ATXN7: variants seen among roughly 807,000 people sequenced by gnomAD.
ATXN7 encodes the protein ataxin-7.
Under a neutral mutation model 70.5 loss-of-function variants are expected in ATXN7, and 12 were observed. The ratio of observed to expected loss-of-function variants is 0.17; its 90% CI spans 0.11 to 0.28. ATXN7 has a LOEUF of 0.28. ATXN7 is among the 10% of genes least tolerant of loss of function. ATXN7 has a pLI of 1.00. For missense variants in ATXN7, 1,256 were observed against 1,131.7 expected, an observed-to-expected ratio of 1.11 and a Z score of -1.58; for synonymous variants, 498 against 448.7, an observed-to-expected ratio of 1.11 and a Z score of -1.39.
chr3:63,877,226 AT>A (rs1183514807), intron 1 of ATXN7, among the ~76,000 whole-genome samples: 1 of 152,022 alleles, frequency 6.6e-6, no homozygotes. Context: ...TTTTTGTTTA[AT>A]TTTTTTTCGT....
At chr3:63,984,555 T>C (rs1281876707) in intron 8 of ATXN7, among the ~76,000 whole-genome samples, 1 of 152,224 alleles carries the variant, frequency 6.6e-6, no homozygotes, top group Non-Finnish European at 1.5e-5. Flanking sequence ...CCTACCTGAC[T>C]CTCAGTAACA....
chr3:63,887,295 A>G (rs957575138), intron 1 of ATXN7, among the ~76,000 whole-genome samples: 4 of 152,176 alleles, frequency 2.6e-5, no homozygotes, highest in African/African-American at 7.2e-5. Flanking sequence ...TTTAATTTGC[A>G]TCTCCCAGCT....
At chr3:63,928,055 A>G (rs1036933213) in intron 4 of ATXN7, among the ~76,000 whole-genome samples, 2 of 152,314 alleles carry the variant, frequency 1.3e-5, no homozygotes, top group East Asian at 1.9e-4. Context: ...ACAACAATTA[A>G]TTTTTTTATT....
intron 5 of ATXN7, among the ~76,000 whole-genome samples, chr3:63,968,618 A>G (rs1031366524): frequency 2.0e-5 from 3 of 152,216 alleles, no homozygotes; most frequent in African/African-American, 7.2e-5. Context: ...AACCCTGGGA[A>G]GTCATTCAGT....
At chr3:63,896,070 A>G (rs1289234671) in intron 1 of ATXN7, among the ~76,000 whole-genome samples, 1 of 152,084 alleles carries the variant, frequency 6.6e-6, no homozygotes, top group African/African-American at 2.4e-5. Flanking sequence ...GGGAGTAAGT[A>G]GTTTGTAGCC....
At chr3:63,901,557 C>A in intron 2 of ATXN7, 1 of 152,006 alleles carries the variant, frequency 6.6e-6, no homozygotes, top group African/African-American at 2.4e-5. Flanking sequence ...CCTCCAGGTT[C>A]ATCTATGTTG....
At chr3:63,937,540 C>T (rs1019454197) in intron 4 of ATXN7, among the ~76,000 whole-genome samples, 5 of 152,144 alleles carry the variant, frequency 3.3e-5, no homozygotes, top group South Asian at 2.1e-4. Context: ...AAGTAACTTA[C>T]GTGAATAGTT....
intron 5 of ATXN7, among the ~76,000 whole-genome samples, chr3:63,973,201 A>G (rs928681362): frequency 6.6e-6 from 1 of 152,186 alleles, no homozygotes; most frequent in African/African-American, 2.4e-5. Context: ...TTTTCAGGTA[A>G]TCTTTTAAAA....
chr3:63,940,289 ACAC>A (rs2074734395), intron 4 of ATXN7, among the ~76,000 whole-genome samples: 1 of 78,358 alleles, frequency 1.3e-5, no homozygotes, highest in Admixed American at 1.1e-4. Context: ...GCCCCATCAC[ACAC>A]ACACACACAC....
chr3:63,930,553 A>G (rs975294538), intron 4 of ATXN7, among the ~76,000 whole-genome samples: 5 of 148,790 alleles, frequency 3.4e-5, no homozygotes, highest in East Asian at 2.0e-4. Flanking sequence ...TTTTTTGAAG[A>G]TGGAGTCTCG....
rs1038268892 is a variant in ATXN7, at chr3:63,941,118, T to C, written c.395-11261T>C. On this transcript the variant is annotated intron_variant, in intron 4 of 12. Transcript: ENST00000674280. ...TCAATTTCAGTACAAGCAATGACAA[T>C]GTAAACACTGTAACTCTTACCTGTT... Among the ~76,000 whole-genome samples the C allele has an allele frequency of 3.9e-5, 6 of 152,338 alleles. No homozygotes were observed. In the South Asian group the frequency reaches 6.2e-4, roughly 16 times the overall value.
chr3:63,910,821 T>C (rs1302558295), intron 2 of ATXN7, among the ~76,000 whole-genome samples: 1 of 152,064 alleles, frequency 6.6e-6, no homozygotes, highest in Non-Finnish European at 1.5e-5. Flanking sequence ...CTTTCTAAAA[T>C]AAAAATGTGT....
chr3:63,877,527 C>G (rs546769424), intron 1 of ATXN7, among the ~76,000 whole-genome samples: 186 of 152,196 alleles, frequency 1.2e-3, no homozygotes, highest in Non-Finnish European at 1.2e-3. Context: ...CTGCCTGGCC[C>G]TTTGGCCAGC....
intron 8 of ATXN7, among the ~76,000 whole-genome samples, chr3:63,987,247 T>C (rs575259969): frequency 6.6e-6 from 1 of 152,346 alleles, no homozygotes; most frequent in Non-Finnish European, 1.5e-5. Context: ...TACGATTTGC[T>C]TCAACCACAG....
intron 1 of ATXN7, among the ~76,000 whole-genome samples, chr3:63,887,315 C>G (rs1424399688): frequency 6.6e-6 from 1 of 152,124 alleles, no homozygotes; most frequent in African/African-American, 2.4e-5. Context: ...TTCTGGAATT[C>G]TTTTTGTCTC....
At chr3:63,992,555 G>A (rs564939246) in intron 11 of ATXN7, among the ~76,000 whole-genome samples, 38 of 152,164 alleles carry the variant, frequency 2.5e-4, no homozygotes, top group Non-Finnish European at 4.7e-4. Flanking sequence ...CATTATGTTG[G>A]TATGTGGCTC....
intron 4 of ATXN7, among the ~76,000 whole-genome samples, chr3:63,915,084 G>T (rs1047293712): frequency 6.6e-6 from 1 of 152,006 alleles, no homozygotes; most frequent in Non-Finnish European, 1.5e-5. Flanking sequence ...TGCAGGCGGC[G>T]GGCCACCACA....
At chr3:63,931,918 G>C (rs1559636871) in intron 4 of ATXN7, among the ~76,000 whole-genome samples, 1 of 152,156 alleles carries the variant, frequency 6.6e-6, no homozygotes, top group Non-Finnish European at 1.5e-5. Context: ...TTTGAAATCA[G>C]GGATTCTCAA....
At chr3:63,980,306 C>T (rs917245066) in intron 6 of ATXN7, 139 bp downstream of exon 6, 4 of 1,202,290 alleles carry the variant, frequency 3.3e-6, no homozygotes, top group Non-Finnish European at 3.5e-6. Flanking sequence ...TGTATTGTTT[C>T]TTGATGTTTC....
Sources: allele counts gnomAD v4.1 joint callset (sites outside exome capture counted in the v4.1 genomes callset), GRCh38; gene constraint gnomAD v4.1.1; transcripts MANE v1.5; gene names NCBI Gene and HGNC (gene_info 2026-07-23, HGNC 2026-07-21).